RNF38: variants seen among roughly 807,000 people sequenced by gnomAD.
The protein encoded by RNF38 is ring finger protein 38, also known as E3 ubiquitin-protein ligase RNF38.
A neutral mutation model predicts 67.2 loss-of-function variants in RNF38; 15 were observed. The observed-to-expected ratio is 0.22, with a 90% CI of 0.15 to 0.34. The LOEUF is 0.34. Among genes scored for constraint, RNF38 ranks in the 10% least tolerant of loss-of-function variants. The pLI is 1.00. For synonymous variants in RNF38, 220 were observed against 218.8 expected (o/e 1.01, Z -0.05); for missense variants, 524 against 639.9 (o/e 0.82, Z 1.95).
chr9:36,438,180 C>T (rs1435053742), intron 1 of RNF38, among the ~76,000 whole-genome samples: 2 of 152,138 alleles, frequency 1.3e-5, no homozygotes, highest in Non-Finnish European at 2.9e-5. Flanking sequence ...TCAAGAGATC[C>T]TCCCATCTCA....
intron 1 of RNF38, among the ~76,000 whole-genome samples, chr9:36,396,771 TTAA>T (rs1395250106): frequency 6.6e-6 from 1 of 151,086 alleles, no homozygotes; most frequent in Non-Finnish European, 1.5e-5. Context: ...AAAACATAAC[TTAA>T]TAAAGCTTCT....
At chr9:36,486,880 G>A (rs1039303185) in intron 1 of RNF38, among the ~76,000 whole-genome samples, 6 of 152,258 alleles carry the variant, frequency 3.9e-5, no homozygotes, top group Middle Eastern at 3.4e-3. Context: ...CCTCCCCCGA[G>A]ATCTGTCTCC....
intron 1 of RNF38, among the ~76,000 whole-genome samples, chr9:36,471,120 G>T (rs1839988265): frequency 6.6e-6 from 1 of 152,108 alleles, no homozygotes; most frequent in East Asian, 1.9e-4. Context: ...TTCACTTCTA[G>T]CTCCTACCAG....
chr9:36,486,798 CG>C (rs768957866), intron 1 of RNF38, among the ~76,000 whole-genome samples: 2 of 152,116 alleles, frequency 1.3e-5, no homozygotes, highest in Non-Finnish European at 2.9e-5. Flanking sequence ...CGTCCCACCC[CG>C]TAAGAGATCA....
At chr9:36,364,157 G>A (rs552727613) in intron 4 of RNF38, among the ~76,000 whole-genome samples, 3 of 151,992 alleles carry the variant, frequency 2.0e-5, no homozygotes, top group Non-Finnish European at 4.4e-5. Context: ...TGCATAAAGT[G>A]TGCCTGCCTC....
At chr9:36,413,433 G>T (rs1200439906) in intron 2 of RNF38, among the ~76,000 whole-genome samples, 1 of 152,044 alleles carries the variant, frequency 6.6e-6, no homozygotes, top group Middle Eastern at 3.2e-3. Flanking sequence ...TTTCTTTATA[G>T]CAACACAAGA....
At chr9:36,451,620 C>T (rs1839450217) in intron 1 of RNF38, among the ~76,000 whole-genome samples, 1 of 148,394 alleles carries the variant, frequency 6.7e-6, no homozygotes, top group Admixed American at 6.8e-5. Flanking sequence ...CCTGCCTCAG[C>T]CTCCCTAATA....
chr9:36,411,136 A>G (rs1014320060), intron 2 of RNF38, among the ~76,000 whole-genome samples: 1 of 151,536 alleles, frequency 6.6e-6, no homozygotes, highest in Non-Finnish European at 1.5e-5. Flanking sequence ...TCCAGAATAT[A>G]TAACTCCTAA....
At chr9:36,478,773 C>T (rs576726953) in intron 1 of RNF38, among the ~76,000 whole-genome samples, 159 of 147,722 alleles carry the variant, frequency 1.1e-3, no homozygotes, top group African/African-American at 3.9e-3. Context: ...GCCGAGATGG[C>T]GCCACTGCAC....
At chr9:36,473,330 A>G (rs1224268455) in intron 1 of RNF38, among the ~76,000 whole-genome samples, 11 of 151,966 alleles carry the variant, frequency 7.2e-5, no homozygotes, top group African/African-American at 2.7e-4. Flanking sequence ...GCTCATGCCT[A>G]TAATCCCAAC....
chr9:36,400,786 C>CAA (rs1388632339), upstream of RNF38: 2 of 985,522 alleles, frequency 2.0e-6, no homozygotes, highest in Non-Finnish European at 2.4e-6. Context: ...CCAGAGATGA[C>CAA]AGAGTCGCCT....
chr9:36,399,906 G>A (rs1236631360), intron 1 of RNF38, among the ~76,000 whole-genome samples, 191 bp downstream of exon 1: 2 of 152,118 alleles, frequency 1.3e-5, no homozygotes, highest in Non-Finnish European at 2.9e-5. Context: ...GGTAACAACT[G>A]TATTATGAGC....
rs1832453182 is a variant in RNF38 at position 36,336,545 on chromosome 9, T to TTA, written c.*3205_*3206dup. ...AAAATGTACAAACTTTGTTAAAAAT[T>TTA]TATCAAGCCTTCAAATGATTTGGTT... On this transcript the variant is annotated 3_prime_UTR_variant, in exon 12 of 12. Transcript: ENST00000259605. 1 of 152,556 alleles carries TTA rather than the reference T, an allele frequency of 6.6e-6. No individual in the cohort carries two copies. Among genetic ancestry groups the TTA allele is most frequent in the Non-Finnish European group, 1.5e-5 (1 of 68,032 alleles). 9.5% of individuals were successfully genotyped at this position (152,556 alleles called of 1,614,324 possible). A position where few individuals can be genotyped will look rare whatever the true frequency, so the allele number is the denominator to read the frequency against.
intron 4 of RNF38, among the ~76,000 whole-genome samples, chr9:36,367,064 A>G (rs1244082198): frequency 2.0e-5 from 3 of 152,096 alleles, no homozygotes; most frequent in Non-Finnish European, 4.4e-5. Context: ...CAGCGACTTA[A>G]AGTGTTTGGT....
At chr9:36,396,032 G>A (rs867510983) in intron 1 of RNF38, among the ~76,000 whole-genome samples, 3 of 152,164 alleles carry the variant, frequency 2.0e-5, no homozygotes, top group South Asian at 4.1e-4. Context: ...AGATTAAATA[G>A]AGCAGCCAAA....
At chr9:36,357,459 G>A (rs1434189264) in intron 5 of RNF38, among the ~76,000 whole-genome samples, 2 of 152,146 alleles carry the variant, frequency 1.3e-5, no homozygotes, top group Non-Finnish European at 2.9e-5. Context: ...TATAAACGGT[G>A]TTGACATATG....
At chr9:36,414,828 G>C (rs1273627016) in intron 2 of RNF38, among the ~76,000 whole-genome samples, 1 of 152,102 alleles carries the variant, frequency 6.6e-6, no homozygotes, top group Non-Finnish European at 1.5e-5. Flanking sequence ...AGTTTCACTG[G>C]ATACAAAATT....
At chr9:36,445,357 T>C (rs1839276676) in intron 1 of RNF38, among the ~76,000 whole-genome samples, 1 of 152,158 alleles carries the variant, frequency 6.6e-6, no homozygotes, top group Non-Finnish European at 1.5e-5. Context: ...GTGCCCCCAA[T>C]TTTGAGACAT....
chr9:36,479,778 G>A (rs1840206058), intron 1 of RNF38, among the ~76,000 whole-genome samples: 2 of 151,894 alleles, frequency 1.3e-5, no homozygotes, highest in Non-Finnish European at 2.9e-5. Flanking sequence ...TAGCACAAAA[G>A]CCAAATGAAA....
Sources: gnomAD v4.1 joint callset for allele counts (sites outside exome capture counted in the v4.1 genomes callset) on GRCh38, gnomAD v4.1.1 for gene constraint, MANE v1.5 for transcripts, NCBI Gene and HGNC (gene_info 2026-07-23, HGNC 2026-07-21) for gene names.